RPS6KC1: variants seen among roughly 807,000 people sequenced by gnomAD.
RPS6KC1 encodes inactive ribosomal protein S6 kinase delta-1.
In RPS6KC1, 54 loss-of-function variants were observed where a neutral mutation model predicts 103.8. The ratio of observed to expected loss-of-function variants is 0.52; its 90% CI spans 0.42 to 0.65. The LOEUF (loss-of-function observed/expected upper bound fraction) is 0.65, where lower values mean the gene tolerates loss of function less well. RPS6KC1 is among the 30% of genes least tolerant of loss of function. The pLI is 0.00. For missense variants in RPS6KC1, 1,151 were observed against 1,253.8 expected (o/e 0.92, Z 1.24); for synonymous variants, 439 against 438.7 (o/e 1.00, Z -0.01).
chr1:213,769,689 A>C, the RPS6KC1 span, among the ~76,000 whole-genome samples: 1 of 152,158 alleles, frequency 6.6e-6, no homozygotes, highest in Non-Finnish European at 1.5e-5. Context: ...GCAGGAATGA[A>C]AGAAAGAAAA....
intron 6 of RPS6KC1, among the ~76,000 whole-genome samples, chr1:213,167,480 ACACACAC>A (rs2091080943): frequency 7.0e-6 from 1 of 142,458 alleles, no homozygotes; most frequent in African/African-American, 2.8e-5. Flanking sequence ...ACACACACAC[ACACACAC>A]ACAACAGCTG....
At chr1:213,744,124 G>A in the RPS6KC1 span, among the ~76,000 whole-genome samples, 1 of 149,682 alleles carries the variant, frequency 6.7e-6, no homozygotes, top group East Asian at 1.9e-4. Flanking sequence ...TTGGGGACTT[G>A]GGGGGAAAGG....
chr1:213,512,679 G>A, the RPS6KC1 span, among the ~76,000 whole-genome samples: 80 of 152,302 alleles, frequency 5.3e-4, no homozygotes, highest in Non-Finnish European at 1.0e-3. Flanking sequence ...CTTGTTATGA[G>A]GCACACTTGT....
the RPS6KC1 span, among the ~76,000 whole-genome samples, chr1:213,398,298 C>T: frequency 4.7e-5 from 7 of 150,256 alleles, no homozygotes; most frequent in African/African-American, 1.5e-4. Flanking sequence ...TGCCTGCCTT[C>T]GGCCTCCCAA....
chr1:213,319,556 T>C, the RPS6KC1 span, among the ~76,000 whole-genome samples: 6 of 152,228 alleles, frequency 3.9e-5, no homozygotes, highest in Admixed American at 3.9e-4. Flanking sequence ...TGCTGCACAA[T>C]GCGTGAAAGC....
intron 5 of RPS6KC1, among the ~76,000 whole-genome samples, chr1:213,121,919 C>A (rs1459593188): frequency 2.6e-5 from 4 of 151,886 alleles, no homozygotes; most frequent in Non-Finnish European, 5.9e-5. Flanking sequence ...CAAAATCTAC[C>A]CCCACCTTTT....
the RPS6KC1 span, among the ~76,000 whole-genome samples, chr1:213,718,632 G>A: frequency 3.9e-5 from 6 of 152,196 alleles, no homozygotes; most frequent in Admixed American, 2.6e-4. Context: ...GGAGACTAAG[G>A]CCCAAGGAAC....
At chr1:213,234,432 G>A (rs981748811) in intron 10 of RPS6KC1, among the ~76,000 whole-genome samples, 4 of 152,174 alleles carry the variant, frequency 2.6e-5, no homozygotes, top group African/African-American at 9.7e-5. Context: ...ACAACTGGGG[G>A]ACTATGTTGA....
chr1:213,058,165 G>A (rs2077514269), intron 1 of RPS6KC1, among the ~76,000 whole-genome samples: 1 of 144,986 alleles, frequency 6.9e-6, no homozygotes, highest in Non-Finnish European at 1.5e-5. Flanking sequence ...CTACAGCCTC[G>A]ACCTCCTAGG....
chr1:213,626,124 A>T, the RPS6KC1 span, among the ~76,000 whole-genome samples: 1 of 152,172 alleles, frequency 6.6e-6, no homozygotes, highest in South Asian at 2.1e-4. Flanking sequence ...TCGCCATTCT[A>T]ACTGGTGTGA....
chr1:213,551,735 C>T, the RPS6KC1 span, among the ~76,000 whole-genome samples: 15 of 152,242 alleles, frequency 9.9e-5, no homozygotes, highest in South Asian at 1.2e-3. Flanking sequence ...ATCGTTTACG[C>T]CGGGGTTCTT....
the RPS6KC1 span, among the ~76,000 whole-genome samples, chr1:213,559,385 T>C: frequency 6.3e-4 from 96 of 152,320 alleles, no homozygotes; most frequent in African/African-American, 2.1e-3. Context: ...AGTATCTTAT[T>C]ATATGCCCAA....
chr1:213,642,536 T>C, the RPS6KC1 span, among the ~76,000 whole-genome samples: 1 of 152,128 alleles, frequency 6.6e-6, no homozygotes, highest in Non-Finnish European at 1.5e-5. Flanking sequence ...ATGCTTGCAT[T>C]GTTTGCTTTT....
At chr1:213,529,897 G>C in the RPS6KC1 span, among the ~76,000 whole-genome samples, 1 of 152,100 alleles carries the variant, frequency 6.6e-6, no homozygotes, top group Non-Finnish European at 1.5e-5. Flanking sequence ...GCTAGATTTT[G>C]CTTGAGATTG....
chr1:213,116,420 A>C (rs1217504871), intron 4 of RPS6KC1, among the ~76,000 whole-genome samples: 1 of 21,216 alleles, frequency 4.7e-5, no homozygotes, highest in Non-Finnish European at 6.8e-5. Context: ...ATCTTCCTCC[A>C]TCCTTTTATT....
At chr1:213,553,408 T>C in the RPS6KC1 span, among the ~76,000 whole-genome samples, 21 of 152,232 alleles carry the variant, frequency 1.4e-4, no homozygotes, top group Non-Finnish European at 2.4e-4. Flanking sequence ...CAGGCCACCA[T>C]TGATGGACAT....
chr1:213,708,349 G>A, the RPS6KC1 span, among the ~76,000 whole-genome samples: 3 of 152,160 alleles, frequency 2.0e-5, no homozygotes, highest in South Asian at 6.2e-4. Context: ...TTCTATTATT[G>A]GTGTATAGAA....
At chr1:213,372,582 C>T in the RPS6KC1 span, among the ~76,000 whole-genome samples, 10 of 152,202 alleles carry the variant, frequency 6.6e-5, no homozygotes, top group Non-Finnish European at 1.5e-4. Context: ...TTGGGAACTT[C>T]GCTTTGTCAT....
At chr1:213,415,207 A>G in the RPS6KC1 span, among the ~76,000 whole-genome samples, 27 of 152,366 alleles carry the variant, frequency 1.8e-4, 1 homozygote, top group East Asian at 5.0e-3. Flanking sequence ...CCTAAGGCTG[A>G]TACTGTTCCA....
Sources: gnomAD v4.1 joint callset for allele counts (sites outside exome capture counted in the v4.1 genomes callset) on GRCh38, gnomAD v4.1.1 for gene constraint, MANE v1.5 for transcripts, NCBI Gene and HGNC (gene_info 2026-07-23, HGNC 2026-07-21) for gene names.